The following NTM variants were observed in gnomAD, a reference collection of about 807,000 sequenced individuals.
NTM encodes neurotrimin.
Under a neutral mutation model 42.1 loss-of-function variants are expected in NTM, and 13 were observed. That is an observed-to-expected ratio of 0.31 (90% CI 0.20 to 0.49). The LOEUF is 0.49. NTM is among the 20% of genes least tolerant of loss of function. The probability of loss-of-function intolerance (pLI) is 0.99; values close to 1 mark genes in which losing one functional copy is unlikely to be tolerated. For missense variants in NTM, 373 were observed against 452.8 expected (o/e 0.82, Z 1.60); for synonymous variants, 187 against 179.2 (o/e 1.04, Z -0.35).
At chr11:131,742,905 G>C (rs1382573016) in intron 1 of NTM, among the ~76,000 whole-genome samples, 1 of 152,202 alleles carries the variant, frequency 6.6e-6, no homozygotes, top group East Asian at 1.9e-4. Context: ...GGAAACGCTT[G>C]TCTACTGAGG....
At chr11:132,302,176 C>T (rs2094890249) in intron 4 of NTM, among the ~76,000 whole-genome samples, 4 of 152,116 alleles carry the variant, frequency 2.6e-5, no homozygotes, top group Non-Finnish European at 5.9e-5. Flanking sequence ...GCTTCATTTC[C>T]CTGCTTCGGT....
chr11:131,473,315 T>C (rs1318866715), intron 1 of NTM, among the ~76,000 whole-genome samples: 1 of 152,108 alleles, frequency 6.6e-6, no homozygotes, highest in Non-Finnish European at 1.5e-5. Context: ...TCTCCCATGC[T>C]TTGACAACTG....
chr11:131,845,687 T>TA (rs1014466754), intron 1 of NTM, among the ~76,000 whole-genome samples: 52 of 147,932 alleles, frequency 3.5e-4, no homozygotes, highest in South Asian at 4.3e-4. Flanking sequence ...TTCCTGTCAT[T>TA]AAAAAAAAAA....
At chr11:131,414,285 C>A (rs1291982129) in intron 1 of NTM, among the ~76,000 whole-genome samples, 1 of 152,156 alleles carries the variant, frequency 6.6e-6, no homozygotes, top group African/African-American at 2.4e-5. Flanking sequence ...TGAGCAGAGG[C>A]TGGAGAGCTG....
intron 1 of NTM, among the ~76,000 whole-genome samples, chr11:131,901,312 C>T (rs2053127258): frequency 6.6e-6 from 1 of 152,216 alleles, no homozygotes; most frequent in Non-Finnish European, 1.5e-5. Context: ...ACTGTCTCTT[C>T]ATCGACTGCC....
chr11:132,146,506 T>C lies in NTM; in HGVS notation c.392T>C (p.Ile131Thr), dbSNP rs1286211795. The C allele has an allele frequency of 1.2e-6, 2 of 1,613,528 alleles. No individual in the cohort carries two copies. Among genetic ancestry groups the C allele is most frequent in the East Asian group, 2.2e-5 (1 of 44,860 alleles). ...CCAAAGACCTCTAGGGTCCACCTCATTGTGCAAGGTAGGTGGGCGGGGCTT... is the reference window on the plus strand; with the variant it reads ...CCAAAGACCTCTAGGGTCCACCTCACTGTGCAAGGTAGGTGGGCGGGGCTT... ...NHPKTSRVHL[I>T]VQVSPKIVEI... is the part of the protein sequence containing the mutation. The change falls in exon 3 of 9, where the codon ATT (isoleucine) becomes ACT (threonine). Residue 131 changes from isoleucine (I) to threonine (T), a missense_variant. By Grantham distance (89) the Ile-to-Thr change is moderately conservative (BLOSUM62 -1). Transcript: ENST00000683400. This position sits in a 1 kb window ranked among gnomAD's most constrained non-coding sequence, Gnocchi z 4.5.
At chr11:131,599,752 A>C (rs1565688671) in intron 1 of NTM, among the ~76,000 whole-genome samples, 1 of 152,156 alleles carries the variant, frequency 6.6e-6, no homozygotes, top group East Asian at 1.9e-4. Flanking sequence ...GCACAGAAAA[A>C]GTTTAAGTGC....
At chr11:131,605,177 A>G (rs577403282) in intron 1 of NTM, among the ~76,000 whole-genome samples, 26 of 151,934 alleles carry the variant, frequency 1.7e-4, no homozygotes, top group Non-Finnish European at 1.9e-4. Context: ...TACTCTTCCA[A>G]TCTATGTTCA....
intron 4 of NTM, among the ~76,000 whole-genome samples, chr11:132,217,591 C>T (rs1455304751): frequency 6.6e-6 from 1 of 151,990 alleles, no homozygotes; most frequent in Non-Finnish European, 1.5e-5. Context: ...AAGCCAAGCC[C>T]TTGTTCTGCA....
intron 2 of NTM, among the ~76,000 whole-genome samples, chr11:132,085,954 C>A (rs555375077): frequency 6.6e-6 from 1 of 152,064 alleles, no homozygotes; most frequent in African/African-American, 2.4e-5. Context: ...ATGGAATCCA[C>A]GGTGCCTTTT....
chr11:132,320,510 T>C (rs996849946), intron 7 of NTM, among the ~76,000 whole-genome samples: 1 of 152,206 alleles, frequency 6.6e-6, no homozygotes, highest in Non-Finnish European at 1.5e-5. Context: ...ATCCCCCAGC[T>C]GGCTCGGAGG....
chr11:131,700,204 T>C lies in NTM; in HGVS notation c.83-211360T>C, dbSNP rs541974995. Among the ~76,000 whole-genome samples, 5 of 152,274 alleles carry C rather than the reference T, an allele frequency of 3.3e-5. No homozygotes were observed. The South Asian group carries it at 6.2e-4, about 19-fold the overall frequency. On this transcript the variant is annotated intron_variant, in intron 1 of 8. Coordinates refer to ENST00000683400, the MANE Select transcript of NTM (RefSeq NM_001352005.2). ...ATTATATTGGTTACCAGCCAAAAAA[T>C]TGTCTTTCTTGGCCAGAGATTCAAT...
At chr11:131,660,628 G>T (rs891375627) in intron 1 of NTM, 4 of 456,876 alleles carry the variant, frequency 8.8e-6, no homozygotes, top group African/African-American at 8.0e-5. Context: ...CTCTGGGTCT[G>T]TGCACCCCTC....
chr11:132,209,346 C>T (rs1320012687), intron 3 of NTM, among the ~76,000 whole-genome samples: 1 of 152,188 alleles, frequency 6.6e-6, no homozygotes, highest in Admixed American at 6.5e-5. Context: ...TGTCCATGTC[C>T]ACTCTCCATT....
At chr11:131,763,968 G>T (rs1038996527) in intron 1 of NTM, among the ~76,000 whole-genome samples, 3 of 151,644 alleles carry the variant, frequency 2.0e-5, no homozygotes, top group African/African-American at 7.3e-5. Flanking sequence ...ATTCTGCAAC[G>T]ATTATTTCTA....
intron 1 of NTM, among the ~76,000 whole-genome samples, chr11:131,459,557 T>G (rs1342807686): frequency 1.3e-5 from 2 of 152,218 alleles, no homozygotes; most frequent in African/African-American, 4.8e-5. Flanking sequence ...AAAACCGCAT[T>G]CACTGGAAAC....
At chr11:132,260,497 G>A (rs2139526011) in intron 4 of NTM, among the ~76,000 whole-genome samples, 1 of 152,244 alleles carries the variant, frequency 6.6e-6, no homozygotes, top group Admixed American at 6.5e-5. Context: ...GCTTCAAAAT[G>A]TGGATGATGT....
intron 1 of NTM, among the ~76,000 whole-genome samples, chr11:131,654,835 G>T (rs1245906416): frequency 6.6e-6 from 1 of 152,112 alleles, no homozygotes; most frequent in Non-Finnish European, 1.5e-5. Flanking sequence ...TTGGAGCCAC[G>T]CTACTTATAC....
chr11:132,332,351 A>T (rs1301112142), intron 8 of NTM: 1 of 152,298 alleles, frequency 6.6e-6, no homozygotes, highest in Non-Finnish European at 1.5e-5. Context: ...CGCAGACTGG[A>T]TATGGTCACA....
Sources: allele counts gnomAD v4.1 joint callset (sites outside exome capture counted in the v4.1 genomes callset), GRCh38; gene constraint gnomAD v4.1.1; non-coding constraint Gnocchi (gnomAD v3.1); transcripts MANE v1.5; gene names NCBI Gene and HGNC (gene_info 2026-07-23, HGNC 2026-07-21).